DNAH2: variants seen among roughly 807,000 people sequenced by gnomAD.
DNAH2 encodes the protein dynein axonemal heavy chain 2, also known as axonemal beta dynein heavy chain 2.
A neutral mutation model predicts 523.5 loss-of-function variants in DNAH2; 323 were observed. The ratio of observed to expected loss-of-function variants is 0.62; its 90% CI spans 0.56 to 0.68. The LOEUF (loss-of-function observed/expected upper bound fraction) is 0.68. Among genes scored for constraint, DNAH2 ranks in the 30% least tolerant of loss-of-function variants. DNAH2 has a pLI of 0.00. For missense variants in DNAH2, 4,907 were observed against 5,701.5 expected (o/e 0.86, Z 4.49); for synonymous variants, 2,093 against 2,177.4 (o/e 0.96, Z 1.08).
At chr17:7,745,809 AAG>A (rs1393804415) in intron 12 of DNAH2, among the ~76,000 whole-genome samples, 1 of 151,734 alleles carries the variant, frequency 6.6e-6, no homozygotes, top group African/African-American at 2.4e-5. Context: ...AAAAAAAAAA[AAG>A]AAAAGAAAAA....
intron 64 of DNAH2, 64 bp downstream of exon 64, chr17:7,816,799 C>T: frequency 6.3e-7 from 1 of 1,575,080 alleles, no homozygotes; most frequent in Non-Finnish European, 8.6e-7. Context: ...AGACCCATCC[C>T]TTTTAGCTTG....
In DNAH2 at chr17:7,831,561, T is replaced by G. The variant is rs778972306; in HGVS notation, c.12611+20T>G. 12 of 1,614,104 alleles carry G rather than the reference T, an allele frequency of 7.4e-6. No homozygotes were observed. The highest frequency in any genetic ancestry group is 1.0e-5 in the Non-Finnish European group (12 of 1,179,978). ...CATCCTGTAAGACAGAGGGGGACTC[T>G]GCGGAACAGGGGAGGGTGTGAGGAG... On this transcript the variant is annotated intron_variant, in intron 81 of 85. Coordinates refer to ENST00000572933, the MANE Select transcript of DNAH2 (RefSeq NM_020877.5). The surrounding 1 kb of genome is among the most constrained non-coding windows in gnomAD (Gnocchi z 4.2).
At chr17:7,785,013 A>G (rs1156578717) in intron 39 of DNAH2, among the ~76,000 whole-genome samples, 1 of 152,182 alleles carries the variant, frequency 6.6e-6, no homozygotes, top group Non-Finnish European at 1.5e-5. Context: ...ACAGACAGTG[A>G]CAAAATAGAA....
Position 7,833,482 on chromosome 17 carries a change from T to G in DNAH2, c.13233T>G (p.Pro4411=). 6.2e-7 allele frequency: 1 copy of G among 1,614,144 alleles called. No homozygotes were observed. Among genetic ancestry groups the G allele is most frequent in the Non-Finnish European group, 8.5e-7 (1 of 1,180,034 alleles). Residue 4411 remains proline, a synonymous_variant, in exon 86 of 86, where the codon CCT becomes CCG. Coordinates refer to ENST00000572933, the MANE Select transcript of DNAH2 (RefSeq NM_020877.5). ...GIDLRSGAMT[P]DHWIKRGTAL... The stretch of plus-strand genomic sequence containing the variant: ...ACCTGCGGTCTGGGGCCATGACACC[T>G]GATCATTGGATCAAGAGGGGCACTG...
At chr17:7,771,489 G>A (rs1476413442) in intron 28 of DNAH2, 21 bp downstream of exon 28, 1 of 1,612,782 alleles carries the variant, frequency 6.2e-7, no homozygotes, top group Admixed American at 1.7e-5. Context: ...CAGGGCTCCT[G>A]CCCTGACACA....
Position 7,734,167 on chromosome 17 carries a change from ACTTTC to A in DNAH2, c.629-7_629-3del. 6.4e-7 allele frequency: 1 copy of A among 1,570,752 alleles called. No individual in the cohort carries two copies. The highest frequency in any genetic ancestry group is 1.2e-5 in the South Asian group (1 of 85,472). On this transcript the variant is annotated splice_polypyrimidine_tract_variant and intron_variant, in intron 5 of 85. Coordinates refer to ENST00000572933, the MANE Select transcript of DNAH2 (RefSeq NM_020877.5). ...TCATCCCCTCTGTCCACTTCCACAA[ACTTTC>A]CTTTCCTTAGACACTCGGTACAAAC...
chr17:7,737,405 T>C (rs531324324), intron 8 of DNAH2, 147 bp downstream of exon 8: 491 of 890,244 alleles, frequency 5.5e-4, no homozygotes, highest in Non-Finnish European at 7.6e-4. Context: ...AGAAGGCTTC[T>C]ACCGGCATGA....
At chr17:7,772,259 C>T (rs1299707071) in intron 28 of DNAH2, among the ~76,000 whole-genome samples, 1 of 152,090 alleles carries the variant, frequency 6.6e-6, no homozygotes, top group Non-Finnish European at 1.5e-5. Context: ...CTAGTCTTAA[C>T]AGTGCTTCAT....
At chr17:7,738,843 C>G (rs1245941487) in intron 8 of DNAH2, 4 of 636,296 alleles carry the variant, frequency 6.3e-6, no homozygotes, top group Non-Finnish European at 1.2e-5. Flanking sequence ...CTAGGGCTTT[C>G]CCTGAATGCA....
At chr17:7,726,695 C>T (rs1018437744) in intron 3 of DNAH2, among the ~76,000 whole-genome samples, 1 of 152,106 alleles carries the variant, frequency 6.6e-6, no homozygotes, top group Non-Finnish European at 1.5e-5. Flanking sequence ...TTCTTTTGGA[C>T]TCCATCGTGA....
At chr17:7,722,769 G>A (rs1464999835) in intron 2 of DNAH2, among the ~76,000 whole-genome samples, 1 of 152,068 alleles carries the variant, frequency 6.6e-6, no homozygotes, top group East Asian at 1.9e-4. Flanking sequence ...ATCACCTTTT[G>A]TTTATCCATT....
intron 18 of DNAH2, 98 bp downstream of exon 18, chr17:7,761,030 A>G: frequency 6.9e-7 from 1 of 1,445,814 alleles, no homozygotes; most frequent in Non-Finnish European, 9.5e-7. Flanking sequence ...AGGGGAGCTG[A>G]GGATGACATG....
At chr17:7,796,401 A>C (rs2077063930) in intron 49 of DNAH2, 63 bp from the exon 50 acceptor site, 1 of 1,565,840 alleles carries the variant, frequency 6.4e-7, no homozygotes, top group Non-Finnish European at 8.7e-7. Context: ...CAAGCTCTTT[A>C]TTGGCTTCCC....
In DNAH2 at chr17:7,832,801, T is replaced by C; in HGVS notation, c.12903+46T>C. ...GAGGGGGGGATGTATGCTGGGGCCA[T>C]GTATGTGTTCTCCTCTTCAGGGTCC... On this transcript the variant is annotated intron_variant, in intron 83 of 85. Transcript: ENST00000572933. This position sits in a 1 kb window ranked among gnomAD's most constrained non-coding sequence, Gnocchi z 4.3. 6.2e-7 allele frequency: 1 copy of C among 1,614,020 alleles called. No homozygotes were observed. Among genetic ancestry groups the C allele is most frequent in the Non-Finnish European group, 8.5e-7 (1 of 1,179,978 alleles).
Position 7,760,087 on chromosome 17 carries a change from G to A in DNAH2, c.2785+149G>A, listed in dbSNP as rs985591661. 1.3e-5 allele frequency: 16 copies of A among 1,231,308 alleles called. No individual in the cohort carries two copies. The highest frequency in any genetic ancestry group is 7.0e-5 in the East Asian group (3 of 42,788). 76.3% of individuals were successfully genotyped at this position (1,231,308 alleles called of 1,614,324 possible). A position where few individuals can be genotyped will look rare whatever the true frequency, so the allele number is the denominator to read the frequency against. On this transcript the variant is annotated intron_variant, in intron 17 of 85. Transcript: ENST00000572933. This position sits in a 1 kb window ranked among gnomAD's most constrained non-coding sequence, Gnocchi z 4.0. ...AAAACTCAGGTCAAGGGGCCAGATC[G>A]GCTGGCACAGTGGCTTGTGCCTGTA...
intron 44 of DNAH2, 90 bp downstream of exon 44, chr17:7,788,334 G>T: frequency 7.0e-7 from 1 of 1,437,004 alleles, no homozygotes; most frequent in Non-Finnish European, 9.3e-7. Context: ...TCTGAGACAG[G>T]TTGAACTCCA....
chr17:7,807,034 C>A lies in DNAH2; in HGVS notation c.9443-116C>A. 1 of 1,278,684 alleles carries A rather than the reference C, an allele frequency of 7.8e-7. No homozygotes were observed. Among genetic ancestry groups the A allele is most frequent in the Non-Finnish European group, 1.1e-6 (1 of 925,158 alleles). The allele number at this position is 1,278,684 out of a possible 1,614,324, so 79.2% of individuals were successfully genotyped here. On this transcript the variant is annotated intron_variant, in intron 61 of 85. Transcript: ENST00000572933. The surrounding 1 kb of genome is among the most constrained non-coding windows in gnomAD (Gnocchi z 5.6). ...CTAGGGGCCAGGTCAGATAATTTGGCCTTAGGAACTGAGCCCAGGAAAAAT... is the reference window on the plus strand; with the variant it reads ...CTAGGGGCCAGGTCAGATAATTTGGACTTAGGAACTGAGCCCAGGAAAAAT...
Position 7,818,916 on chromosome 17 carries a change from T to C in DNAH2, c.10671-3T>C. 6.2e-7 allele frequency: 1 copy of C among 1,611,536 alleles called. No homozygotes were observed. Among genetic ancestry groups the C allele is most frequent in the Non-Finnish European group, 8.5e-7 (1 of 1,178,860 alleles). On this transcript the variant is annotated splice_polypyrimidine_tract_variant and splice_region_variant and intron_variant, in intron 70 of 85. Coordinates refer to ENST00000572933, the MANE Select transcript of DNAH2 (RefSeq NM_020877.5). ...CTCCATGTGCCTCTGGGCCTCCCCC[T>C]AGGCTGCTGAATGAGGCCACCGGCT...
intron 49 of DNAH2, 148 bp downstream of exon 49, chr17:7,794,506 G>T (rs1042364126): frequency 7.9e-6 from 5 of 632,304 alleles, no homozygotes; most frequent in Non-Finnish European, 1.3e-5. Context: ...AAGGGCATGT[G>T]CTGGCTCCTG....
Sources: allele counts gnomAD v4.1 joint callset (sites outside exome capture counted in the v4.1 genomes callset), GRCh38; gene constraint gnomAD v4.1.1; non-coding constraint Gnocchi (gnomAD v3.1); transcripts MANE v1.5; gene names NCBI Gene and HGNC (gene_info 2026-07-23, HGNC 2026-07-21).